The following IL4I1 variants were observed in gnomAD, a reference collection of about 807,000 sequenced individuals.
The protein encoded by IL4I1 is L-amino-acid oxidase.
In IL4I1, 24 loss-of-function variants were observed where a neutral mutation model predicts 29.7. The observed-to-expected ratio is 0.81, with a 90% CI of 0.59 to 1.14. The LOEUF (loss-of-function observed/expected upper bound fraction) is 1.14, where lower values mean the gene tolerates loss of function less well. Among genes scored for constraint, IL4I1 ranks in the 50% most tolerant of loss-of-function variants. IL4I1 has a pLI of 0.00. For missense variants in IL4I1, 686 were observed against 785.6 expected (o/e 0.87, Z 1.52); for synonymous variants, 371 against 352.5 (o/e 1.05, Z -0.59).
chr19:49,897,849 T>C (rs1017373119), upstream of IL4I1, among the ~76,000 whole-genome samples: 4 of 151,288 alleles, frequency 2.6e-5, no homozygotes, highest in Non-Finnish European at 1.5e-5. Context: ...TGGAGGGCAT[T>C]AACAAGAAGG....
chr19:49,901,646 C>G, upstream of IL4I1: 1 of 1,523,950 alleles, frequency 6.6e-7, no homozygotes, highest in Middle Eastern at 1.7e-4. Context: ...CACTGCATGG[C>G]TGCCTCTGGG....
At chr19:49,926,016 C>T (rs2075877635) in intron 2 of IL4I1, among the ~76,000 whole-genome samples, 1 of 151,908 alleles carries the variant, frequency 6.6e-6, no homozygotes, top group Non-Finnish European at 1.5e-5. Flanking sequence ...CGAGACCAGC[C>T]TGACCAACAT....
rs763687457 is a variant in IL4I1 at position 49,895,175 on chromosome 19, G to A, written c.258C>T (p.Thr86=). 1 of 1,613,280 alleles carries A rather than the reference G, an allele frequency of 6.2e-7. No homozygotes were observed. The highest frequency in any genetic ancestry group is 1.1e-5 in the South Asian group (1 of 91,062). ...CGATCCTGTTATCTGCCTCCAGGAT[G>A]GTGACCTGAGGGAGTCCGTGGGGCG... ...KVLSDAGHKV[T]ILEADNRIGG... is the part of the protein sequence containing the mutation. The change falls in exon 4 of 8, where the codon ACC becomes ACT. Residue 86 remains threonine, a synonymous_variant. Coordinates refer to ENST00000391826, the MANE Select transcript of IL4I1 (RefSeq NM_152899.2).
rs2075798955 is a variant in IL4I1, at chr19:49,922,936, T to TGCCC, written c.-228+4757_-228+4758insGGGC. Among the ~76,000 whole-genome samples the TGCCC allele has an allele frequency of 3.9e-5, 6 of 152,102 alleles. No homozygotes were observed. The East Asian group carries it at 7.7e-4, about 20-fold the overall frequency. On this transcript the variant is annotated intron_variant, in intron 2 of 9. Transcript: ENST00000341114. The stretch of plus-strand genomic sequence containing the variant: ...CCCCTCCACACTGCCCCAAGGTAGT[T>TGCCC]CTATGATTGTGCCCATTTTACTGAT...
chr19:49,909,599 T>C, intron 2 of IL4I1: 1 of 1,614,004 alleles, frequency 6.2e-7, no homozygotes, highest in Non-Finnish European at 8.5e-7. Context: ...GCCTGTCGTC[T>C]GTGTGGCCGG....
Position 49,921,899 on chromosome 19 carries a change from G to A in IL4I1, c.-228+5795C>T, listed in dbSNP as rs1285590726. 6.6e-6 allele frequency among the ~76,000 whole-genome samples: 1 copy of A among 152,194 alleles called. No individual in the cohort carries two copies. ...GGAGCTGCCTCCTCTGGACACAGCG[G>A]TGGCTCTCACCTCCCTTCCATCTTG... is the stretch of plus-strand genomic sequence containing the variant. On this transcript the variant is annotated intron_variant, in intron 2 of 9. Transcript: ENST00000341114. This position sits in a 1 kb window ranked among gnomAD's most constrained non-coding sequence, Gnocchi z 5.4.
In IL4I1 at chr19:49,890,508, G is replaced by C. The variant is rs937430419; in HGVS notation, c.866C>G (p.Ala289Gly). ...CACATCGTGCGGTCCCTGGGTCATCGCCACCACGGGCGCGTTCAACAGCAC... is the reference window on the plus strand; with the variant it reads ...CACATCGTGCGGTCCCTGGGTCATCCCCACCACGGGCGCGTTCAACAGCAC... Reference protein sequence around the residue: ...GLVLLNAPVVAMTQGPHDVHV... With the variant: ...GLVLLNAPVVGMTQGPHDVHV... Residue 289 changes from alanine to glycine, a missense_variant, in exon 8 of 8, where the codon GCG becomes GGG. By Grantham distance (60) the Ala-to-Gly change is moderately conservative. Coordinates refer to ENST00000391826, the MANE Select transcript of IL4I1 (RefSeq NM_152899.2). 5 of 1,610,270 alleles carry C rather than the reference G, an allele frequency of 3.1e-6. No individual in the cohort carries two copies. In the Admixed American group the frequency reaches 8.3e-5, roughly 27 times the overall value.
At position 49,890,134 on chromosome 19, in the gene IL4I1, C is replaced by T. The variant is rs554391826; in HGVS notation, c.1240G>A (p.Glu414Lys). Residue 414 changes from glutamate to lysine, a missense_variant, in exon 8 of 8, where the codon GAG becomes AAG. Physicochemically the swap from Glu to Lys is moderately conservative, Grantham distance 56. Transcript: ENST00000391826. ...TCGTCGAGCGCCAAGCGCAACGCCTCTTCCCGGCTCAAGCCGGCGAACGCT... is the reference window on the plus strand; with the variant it reads ...TCGTCGAGCGCCAAGCGCAACGCCTTTTCCCGGCTCAAGCCGGCGAACGCT... ...AAAFAGLSREEALRLALDDVA... is the reference protein window; with the variant it reads ...AAAFAGLSREKALRLALDDVA... The T allele has an allele frequency of 1.3e-6, 2 of 1,542,486 alleles. No homozygotes were observed. The highest frequency in any genetic ancestry group is 2.5e-5 in the East Asian group (1 of 40,794).
At chr19:49,902,904 C>T (rs1271309920) in intron 3 of IL4I1, among the ~76,000 whole-genome samples, 1 of 151,930 alleles carries the variant, frequency 6.6e-6, no homozygotes, top group Non-Finnish European at 1.5e-5. Flanking sequence ...ATCACAAGGT[C>T]AGGAGATCAA....
intron 2 of IL4I1, among the ~76,000 whole-genome samples, chr19:49,918,059 AGGGTCT>A (rs1481333397): frequency 1.3e-5 from 2 of 151,122 alleles, no homozygotes; most frequent in Admixed American, 1.3e-4. Context: ...AGCCATGGAG[AGGGTCT>A]GCTTTCCTTT....
In IL4I1 at chr19:49,909,286, G is replaced by A. The variant is rs771640611; in HGVS notation, c.-227-4965C>T. Reference sequence around the variant, plus strand: ...TGGGCTGGGCTGAATTCCCTGCTGAGCCAATGTTGAAACCGGAGGGTTGGG... The same window carrying A: ...TGGGCTGGGCTGAATTCCCTGCTGAACCAATGTTGAAACCGGAGGGTTGGG... On this transcript the variant is annotated intron_variant, in intron 2 of 9. Transcript: ENST00000341114. 2.0e-5 allele frequency: 32 copies of A among 1,614,148 alleles called. No individual in the cohort carries two copies. The South Asian group carries it at 2.9e-4, about 14-fold the overall frequency.
upstream of IL4I1, among the ~76,000 whole-genome samples, chr19:49,900,325 G>T (rs758158490): frequency 3.9e-5 from 6 of 152,138 alleles, no homozygotes; most frequent in Non-Finnish European, 7.3e-5. Flanking sequence ...ATGCTCTGTC[G>T]CCCAGGCTGG....
chr19:49,894,534 C>A, intron 4 of IL4I1, 65 bp from the exon 5 acceptor site: 30 of 668,524 alleles, frequency 4.5e-5, no homozygotes, highest in Non-Finnish European at 6.1e-5. Flanking sequence ...CCTAGTGGGA[C>A]TTGGAGAAGA....
intron 2 of IL4I1, chr19:49,908,168 A>C: frequency 1.9e-6 from 3 of 1,576,986 alleles, no homozygotes; most frequent in Admixed American, 3.6e-5. Context: ...CACAACCCCA[A>C]ACTACAGACA....
chr19:49,925,648 TAACG>T (rs1265586061), intron 2 of IL4I1, among the ~76,000 whole-genome samples: 1 of 152,084 alleles, frequency 6.6e-6, no homozygotes, highest in African/African-American at 2.4e-5. Flanking sequence ...TGCCTAAATA[TAACG>T]TGGCATCCTG....
chr19:49,892,682 T>G (rs1421178913), intron 5 of IL4I1, among the ~76,000 whole-genome samples: 1 of 152,164 alleles, frequency 6.6e-6, no homozygotes, highest in Non-Finnish European at 1.5e-5. Context: ...TTCTTCTTGG[T>G]CCACCTGGCT....
At chr19:49,893,006 T>C (rs11673399) in intron 5 of IL4I1, among the ~76,000 whole-genome samples, 79,602 of 151,466 alleles carry the variant, frequency 0.53, 22,070 homozygotes, top group African/African-American at 0.71. Context: ...AAAGGGAGGG[T>C]GATACACAGG....
Position 49,890,161 on chromosome 19 carries a change from C to T in IL4I1, c.1213G>A (p.Ala405Thr). The change falls in exon 8 of 8, where the codon GCA (alanine) becomes ACA (threonine). Residue 405 changes from alanine to threonine, a missense_variant. Transcript: ENST00000391826. Reference protein sequence around the residue: ...LASYTWSDAAAAFAGLSREEA... With the variant: ...LASYTWSDAATAFAGLSREEA... ...TCCCGGCTCAAGCCGGCGAACGCTGCCGCCGCGTCCGACCACGTGTACGAG... is the reference window on the plus strand; with the variant it reads ...TCCCGGCTCAAGCCGGCGAACGCTGTCGCCGCGTCCGACCACGTGTACGAG... 1 of 1,541,600 alleles carries T rather than the reference C, an allele frequency of 6.5e-7. No individual in the cohort carries two copies. The highest frequency in any genetic ancestry group is 1.4e-5 in the African/African-American group (1 of 72,992).
At chr19:49,892,238 C>T (rs1317225635) in intron 5 of IL4I1, among the ~76,000 whole-genome samples, 2 of 152,114 alleles carry the variant, frequency 1.3e-5, no homozygotes, top group Non-Finnish European at 2.9e-5. Flanking sequence ...CCTGCCACCA[C>T]ACCTGGCTCA....
Sources: gnomAD v4.1 joint callset for allele counts (sites outside exome capture counted in the v4.1 genomes callset) on GRCh38, gnomAD v4.1.1 for gene constraint, Gnocchi (gnomAD v3.1) non-coding constraint, MANE v1.5 for transcripts, NCBI Gene and HGNC (gene_info 2026-07-23, HGNC 2026-07-21) for gene names.